Variants in VWA8 observed in about 807,000 individuals in gnomAD.
The protein encoded by VWA8 is von Willebrand factor A domain containing 8.
A neutral mutation model predicts 241.5 loss-of-function variants in VWA8; 221 were observed. That is an observed-to-expected ratio of 0.91 (90% CI 0.82 to 1.02). The LOEUF (loss-of-function observed/expected upper bound fraction) is 1.02. Among genes scored for constraint, VWA8 ranks in the 50% least tolerant of loss-of-function variants. The pLI, the probability that VWA8 is intolerant of heterozygous loss-of-function variation, is 0.00. For synonymous variants in VWA8, 852 were observed against 827.1 expected (o/e 1.03, Z -0.52); for missense variants, 2,322 against 2,328.7 (o/e 1.00, Z 0.06).
chr13:41,747,892 G>A (rs1033834545), intron 21 of VWA8, among the ~76,000 whole-genome samples: 1 of 152,154 alleles, frequency 6.6e-6, no homozygotes, highest in African/African-American at 2.4e-5. Flanking sequence ...TTATATGCTG[G>A]ATTACGTTTA....
At chr13:41,866,996 T>A (rs1055649462) in intron 10 of VWA8, among the ~76,000 whole-genome samples, 1 of 152,184 alleles carries the variant, frequency 6.6e-6, no homozygotes, top group Admixed American at 6.5e-5. Flanking sequence ...TCATGTTATA[T>A]ACCACACGAA....
chr13:41,955,220 TAA>T (rs1566051352), intron 1 of VWA8, among the ~76,000 whole-genome samples: 1 of 152,210 alleles, frequency 6.6e-6, no homozygotes, highest in Non-Finnish European at 1.5e-5. Flanking sequence ...AGAATACTTA[TAA>T]GACAACAGGT....
At chr13:41,630,561 T>A (rs1044060150) in intron 37 of VWA8, among the ~76,000 whole-genome samples, 1 of 152,084 alleles carries the variant, frequency 6.6e-6, no homozygotes, top group Non-Finnish European at 1.5e-5. Context: ...TATCTAGATG[T>A]TCTGAAACAC....
chr13:41,756,200 C>A (rs1192417809), intron 21 of VWA8, among the ~76,000 whole-genome samples: 1 of 151,624 alleles, frequency 6.6e-6, no homozygotes, highest in Non-Finnish European at 1.5e-5. Flanking sequence ...GGGAACAGAT[C>A]CTAAAACAAC....
chr13:41,921,124 G>T (rs571018336), intron 2 of VWA8, among the ~76,000 whole-genome samples: 3 of 152,168 alleles, frequency 2.0e-5, no homozygotes, highest in African/African-American at 7.2e-5. Flanking sequence ...ATGCAAGGCT[G>T]GTTCAACATA....
At chr13:41,944,138 A>G (rs955257663) in intron 2 of VWA8, among the ~76,000 whole-genome samples, 13 of 149,646 alleles carry the variant, frequency 8.7e-5, no homozygotes, top group South Asian at 2.1e-4. Context: ...ATAATAATAA[A>G]TAAATAAACC....
At chr13:41,678,468 G>A (rs2045075888) in intron 35 of VWA8, among the ~76,000 whole-genome samples, 1 of 152,198 alleles carries the variant, frequency 6.6e-6, no homozygotes, top group Non-Finnish European at 1.5e-5. Flanking sequence ...AGCTGAAGTA[G>A]GTTGAATTAT....
chr13:41,767,539 ATACATT>A (rs1403716887), intron 20 of VWA8, among the ~76,000 whole-genome samples: 1 of 152,240 alleles, frequency 6.6e-6, no homozygotes, highest in African/African-American at 2.4e-5. Context: ...CTCAATACAT[ATACATT>A]ACTTTTGTAA....
intron 21 of VWA8, among the ~76,000 whole-genome samples, chr13:41,747,704 C>T (rs980934449): frequency 3.3e-5 from 5 of 152,088 alleles, no homozygotes; most frequent in Admixed American, 6.6e-5. Flanking sequence ...TTCCAGTTTT[C>T]ACCCATTCAG....
chr13:41,920,847 A>T (rs761885112), intron 2 of VWA8, among the ~76,000 whole-genome samples: 1 of 152,242 alleles, frequency 6.6e-6, no homozygotes, highest in Non-Finnish European at 1.5e-5. Context: ...GCCAAATTCT[A>T]CCAGAAGTAC....
chr13:41,930,535 T>C (rs1877056954), intron 2 of VWA8, among the ~76,000 whole-genome samples: 1 of 152,160 alleles, frequency 6.6e-6, no homozygotes, highest in African/African-American at 2.4e-5. Flanking sequence ...AATCATTAAT[T>C]CAAAATACTC....
At chr13:41,640,532 A>C (rs567873832) in intron 37 of VWA8, among the ~76,000 whole-genome samples, 14 of 152,376 alleles carry the variant, frequency 9.2e-5, no homozygotes, top group Admixed American at 6.5e-4. Context: ...AATCATTCAG[A>C]GTGTTGGTAG....
At chr13:41,568,789 T>C (rs534528955) in intron 44 of VWA8, among the ~76,000 whole-genome samples, 1 of 152,238 alleles carries the variant, frequency 6.6e-6, no homozygotes, top group African/African-American at 2.4e-5. Flanking sequence ...TGCCTCTCTC[T>C]CTTTTTTTTG....
At chr13:41,814,937 T>C (rs139085558) in intron 16 of VWA8, among the ~76,000 whole-genome samples, 29 of 152,108 alleles carry the variant, frequency 1.9e-4, no homozygotes, top group African/African-American at 5.8e-4. Flanking sequence ...GAGTAAAACA[T>C]ACATTATGTC....
chr13:41,569,237 T>C (rs568457572), intron 44 of VWA8, among the ~76,000 whole-genome samples: 1 of 152,372 alleles, frequency 6.6e-6, no homozygotes, highest in African/African-American at 2.4e-5. Context: ...GGTATTATTG[T>C]GCTTTCTTAA....
At chr13:41,733,629 T>C (rs898478408) in intron 21 of VWA8, among the ~76,000 whole-genome samples, 1 of 152,188 alleles carries the variant, frequency 6.6e-6, no homozygotes, top group Admixed American at 6.6e-5. Context: ...TCTTGAAAGA[T>C]CCCTTCCCTG....
At position 41,572,664 on chromosome 13, in the gene VWA8, C is replaced by T. The variant is rs375730567; in HGVS notation, c.5371-1958G>A. Among the ~76,000 whole-genome samples, 37 of 151,958 alleles carry T rather than the reference C, an allele frequency of 2.4e-4. No individual in the cohort carries two copies. In the East Asian group the frequency reaches 4.3e-3, roughly 18 times the overall value. On this transcript the variant is annotated intron_variant, in intron 43 of 44. Transcript: ENST00000379310. ...CAGGGACACAAACACTGAGGAAGGC[C>T]GCAGGGTCCTCTGTCTAGGAAAACC...
intron 2 of VWA8, among the ~76,000 whole-genome samples, chr13:41,937,020 T>C (rs1378086777): frequency 6.6e-6 from 1 of 152,196 alleles, no homozygotes; most frequent in African/African-American, 2.4e-5. Context: ...AATGTTTCAA[T>C]ACACAAACAC....
intron 26 of VWA8, among the ~76,000 whole-genome samples, chr13:41,714,760 G>C (rs1053471701): frequency 1.3e-5 from 2 of 151,870 alleles, no homozygotes; most frequent in Non-Finnish European, 1.5e-5. Flanking sequence ...TCTGCTTCGT[G>C]GTTACTCTTC....
Sources: allele counts gnomAD v4.1 joint callset (sites outside exome capture counted in the v4.1 genomes callset), GRCh38; gene constraint gnomAD v4.1.1; transcripts MANE v1.5; gene names NCBI Gene and HGNC (gene_info 2026-07-23, HGNC 2026-07-21).